The following CAMKMT variants were observed in gnomAD, a reference collection of about 807,000 sequenced individuals.
CAMKMT encodes calmodulin-lysine N-methyltransferase.
In CAMKMT, 53 loss-of-function variants were observed where a neutral mutation model predicts 48.0. The ratio of observed to expected loss-of-function variants is 1.10; its 90% CI spans 0.89 to 1.39. The LOEUF (loss-of-function observed/expected upper bound fraction) is 1.39, where lower values mean the gene tolerates loss of function less well. Ranked by LOEUF, CAMKMT falls within the 40% of genes most tolerant of loss-of-function variation. The pLI, the probability that CAMKMT is intolerant of heterozygous loss-of-function variation, is 0.00. For missense variants in CAMKMT, 428 were observed against 402.7 expected, an observed-to-expected ratio of 1.06 and a Z score of -0.54; for synonymous variants, 165 against 152.3, an observed-to-expected ratio of 1.08 and a Z score of -0.61.
chr2:44,406,640 A>C (rs923487603), intron 3 of CAMKMT, among the ~76,000 whole-genome samples: 21 of 152,224 alleles, frequency 1.4e-4, no homozygotes, highest in Non-Finnish European at 2.8e-4. Context: ...TCTGTTGCCC[A>C]GGCTGGAATG....
chr2:44,553,130 T>A (rs1667812279), intron 3 of CAMKMT, among the ~76,000 whole-genome samples: 1 of 152,146 alleles, frequency 6.6e-6, no homozygotes, highest in African/African-American at 2.4e-5. Context: ...ACCTGTAACA[T>A]CTTCAGCAAG....
At chr2:44,480,430 G>C (rs1172192247) in intron 3 of CAMKMT, among the ~76,000 whole-genome samples, 2 of 152,140 alleles carry the variant, frequency 1.3e-5, no homozygotes, top group Non-Finnish European at 2.9e-5. Context: ...ATTGTGTTTA[G>C]TTCAGAGAGT....
At chr2:44,675,073 C>T (rs560962678) in intron 3 of CAMKMT, among the ~76,000 whole-genome samples, 13 of 146,878 alleles carry the variant, frequency 8.9e-5, no homozygotes, top group African/African-American at 3.1e-4. Flanking sequence ...GATTTACCAA[C>T]CTTAAGGGGG....
rs534350494 is a variant in CAMKMT at position 44,757,350 on chromosome 2, TCTC to T, written c.762+3236_762+3238del. 2.1e-3 allele frequency among the ~76,000 whole-genome samples: 327 copies of T among 152,230 alleles called. 2 individuals are homozygous for T. The highest frequency in any genetic ancestry group is 7.5e-3 in the African/African-American group (312 of 41,534). ...TTCTATCAGCTCTGAAATCCTGCAT[TCTC>T]CTCGCAGAGAGAAGGTATACATGGG... On this transcript the variant is annotated intron_variant, in intron 9 of 10. Transcript: ENST00000378494.
chr2:44,464,798 A>G (rs1018090313), intron 3 of CAMKMT, among the ~76,000 whole-genome samples: 2 of 152,234 alleles, frequency 1.3e-5, no homozygotes, highest in Non-Finnish European at 2.9e-5. Flanking sequence ...TTCATCATTT[A>G]TCATCACTAG....
At chr2:44,362,195 C>T (rs1417948891) in intron 1 of CAMKMT, 50 bp downstream of exon 1, 6 of 1,385,440 alleles carry the variant, frequency 4.3e-6, no homozygotes, top group Non-Finnish European at 5.6e-6. Flanking sequence ...ACTCCTCTCT[C>T]ACGTACCGGG....
At chr2:44,586,345 G>T (rs1669859107) in intron 3 of CAMKMT, among the ~76,000 whole-genome samples, 1 of 150,204 alleles carries the variant, frequency 6.7e-6, no homozygotes, top group Admixed American at 6.7e-5. Context: ...ATGTTAAAAG[G>T]ATTCCCTATT....
chr2:44,766,619 C>T lies in CAMKMT; in HGVS notation c.894+58C>T. The T allele has an allele frequency of 4.4e-6, 7 of 1,586,198 alleles. No homozygotes were observed. In the South Asian group the frequency reaches 7.8e-5, roughly 18 times the overall value. ...AATCCGCATTGCATTTTGAAGAGAT[C>T]ATGGTCTTTTTGGCAGGTAACCTAA... On this transcript the variant is annotated intron_variant, in intron 10 of 10. Transcript: ENST00000378494.
chr2:44,481,001 A>ATGTG (rs138279574), intron 3 of CAMKMT, among the ~76,000 whole-genome samples: 3 of 150,548 alleles, frequency 2.0e-5, no homozygotes, highest in South Asian at 2.1e-4. Flanking sequence ...CATCCATATT[A>ATGTG]TGTGTGTGTG....
At chr2:44,615,755 C>T (rs1456436809) in intron 3 of CAMKMT, among the ~76,000 whole-genome samples, 1 of 151,914 alleles carries the variant, frequency 6.6e-6, no homozygotes, top group Non-Finnish European at 1.5e-5. Flanking sequence ...AATAGGATCT[C>T]CAGAATGAGA....
chr2:44,567,510 A>G (rs188234340), intron 3 of CAMKMT, among the ~76,000 whole-genome samples: 3 of 152,320 alleles, frequency 2.0e-5, no homozygotes, highest in African/African-American at 7.2e-5. Flanking sequence ...GTAATAGAGT[A>G]AGGGAAAAGT....
intron 3 of CAMKMT, among the ~76,000 whole-genome samples, chr2:44,413,337 A>G (rs1029948211): frequency 5.9e-5 from 9 of 152,210 alleles, no homozygotes; most frequent in South Asian, 2.1e-4. Context: ...TAATCTAAAT[A>G]TAACCATCAC....
intron 3 of CAMKMT, among the ~76,000 whole-genome samples, chr2:44,674,885 G>GA (rs147911016): frequency 1.4e-3 from 198 of 146,352 alleles, no homozygotes; most frequent in African/African-American, 3.0e-3. Context: ...TCCCCACAAG[G>GA]AAAAAAAAAA....
intron 3 of CAMKMT, among the ~76,000 whole-genome samples, chr2:44,680,703 A>G (rs1037842779): frequency 2.6e-5 from 4 of 152,178 alleles, no homozygotes; most frequent in African/African-American, 9.7e-5. Context: ...AGGTGTCACA[A>G]TGCATTAAGA....
chr2:44,769,482 A>G (rs1266788727), intron 10 of CAMKMT, among the ~76,000 whole-genome samples: 3 of 152,154 alleles, frequency 2.0e-5, no homozygotes, highest in Non-Finnish European at 1.5e-5. Context: ...CTGAGAATCA[A>G]ATTCATTGCC....
chr2:44,723,096 T>G (rs576473794), intron 7 of CAMKMT, among the ~76,000 whole-genome samples: 1 of 152,142 alleles, frequency 6.6e-6, no homozygotes, highest in Non-Finnish European at 1.5e-5. Flanking sequence ...GTTCTCAAAC[T>G]TTGTTCTCAG....
At chr2:44,539,213 G>A (rs1319187259) in intron 3 of CAMKMT, among the ~76,000 whole-genome samples, 6 of 145,314 alleles carry the variant, frequency 4.1e-5, no homozygotes, top group African/African-American at 1.5e-4. Context: ...GCTGAGGCCA[G>A]AGAATCACTT....
intron 8 of CAMKMT, among the ~76,000 whole-genome samples, chr2:44,746,532 CTG>C (rs1679924416): frequency 6.6e-6 from 1 of 152,082 alleles, no homozygotes; most frequent in African/African-American, 2.4e-5. Flanking sequence ...AAGAGGCAAA[CTG>C]TGAAAGCTAG....
chr2:44,368,996 G>A (rs76244558), intron 1 of CAMKMT, among the ~76,000 whole-genome samples: 6 of 151,926 alleles, frequency 3.9e-5, no homozygotes, highest in East Asian at 3.9e-4. Context: ...AGCAGTTCTC[G>A]TGCCTCAGCC....
Sources: gnomAD v4.1 joint callset for allele counts (sites outside exome capture counted in the v4.1 genomes callset) on GRCh38, gnomAD v4.1.1 for gene constraint, MANE v1.5 for transcripts, NCBI Gene and HGNC (gene_info 2026-07-23, HGNC 2026-07-21) for gene names.